The following AP3D1 variants were observed in gnomAD, a reference collection of about 807,000 sequenced individuals.
AP3D1 encodes the protein adaptor related protein complex 3 subunit delta 1, also known as AP-3 complex subunit delta-1.
In AP3D1, 51 loss-of-function variants were observed where a neutral mutation model predicts 147.6. That is an observed-to-expected ratio of 0.35 (90% CI 0.28 to 0.44). The LOEUF is 0.44. Ranked by LOEUF, AP3D1 falls within the 20% of genes least tolerant of loss-of-function variation. The pLI, the probability that AP3D1 is intolerant of heterozygous loss-of-function variation, is 1.00. For synonymous variants in AP3D1, 760 were observed against 663.0 expected (o/e 1.15, Z -2.25); for missense variants, 1,421 against 1,624.2 (o/e 0.87, Z 2.15).
At chr19:2,152,926 T>C (rs1031086529), upstream of AP3D1, among the ~76,000 whole-genome samples, 16 of 151,778 alleles carry the variant, frequency 1.1e-4, no homozygotes, top group African/African-American at 3.9e-4. Flanking sequence ...TTACAATACA[T>C]ATATCTGACA....
At chr19:2,137,191 G>A in intron 3 of AP3D1, 100 bp from the exon 4 acceptor site, 1 of 1,046,112 alleles carries the variant, frequency 9.6e-7, no homozygotes, top group Non-Finnish European at 1.4e-6. Flanking sequence ...CGCCAGCCCA[G>A]AAGCAACACC....
chr19:2,129,184 C>T (rs368308476), intron 7 of AP3D1, 21 bp from the exon 8 acceptor site: 153 of 1,605,740 alleles, frequency 9.5e-5, no homozygotes, highest in African/African-American at 4.6e-4. Context: ...AGCAGGGCCT[C>T]GGTCACCCGC....
At chr19:2,147,376 ACACT>A (rs1399151768) in intron 1 of AP3D1, among the ~76,000 whole-genome samples, 6 of 145,122 alleles carry the variant, frequency 4.1e-5, no homozygotes, top group African/African-American at 1.5e-4. Context: ...AAAAGAAAAC[ACACT>A]CAGTTCAAAT....
chr19:2,113,005 T>C lies in AP3D1; in HGVS notation c.2680-38A>G, dbSNP rs1235486235. 3.2e-6 allele frequency: 5 copies of C among 1,542,574 alleles called. No individual in the cohort carries two copies. In the East Asian group the frequency reaches 9.1e-5, roughly 28 times the overall value. On this transcript the variant is annotated intron_variant, in intron 23 of 31. Coordinates refer to ENST00000643116, the MANE Select transcript of AP3D1 (RefSeq NM_001261826.3). ...AGGGCTTGGGGCTCATGCTGGGCAA[T>C]GAGGGGCCCCACTCCACTGCACCCC...
At chr19:2,105,564 A>G (rs1351561686) in intron 31 of AP3D1, among the ~76,000 whole-genome samples, 1 of 152,208 alleles carries the variant, frequency 6.6e-6, no homozygotes. Context: ...AAACAATGCT[A>G]ATGACTGGCT....
At chr19:2,151,754 T>C (rs533217851), upstream of AP3D1, among the ~76,000 whole-genome samples, 15 of 152,344 alleles carry the variant, frequency 9.8e-5, no homozygotes, top group African/African-American at 3.6e-4. Context: ...GCCCCAAAAC[T>C]TGCGCTCTCA....
intron 1 of AP3D1, among the ~76,000 whole-genome samples, chr19:2,150,478 C>T (rs909920617): frequency 5.3e-5 from 8 of 152,248 alleles, no homozygotes; most frequent in African/African-American, 1.9e-4. Flanking sequence ...AAAACTATTT[C>T]CTCGCCCTGG....
chr19:2,158,095 G>A (rs781649522), intron 1 of AP3D1, among the ~76,000 whole-genome samples: 1 of 151,742 alleles, frequency 6.6e-6, no homozygotes, highest in Non-Finnish European at 1.5e-5. Context: ...TTGCTCTGTC[G>A]CCCAGGCTGC....
intron 1 of AP3D1, among the ~76,000 whole-genome samples, chr19:2,160,782 C>A (rs748535734): frequency 4.6e-5 from 7 of 152,176 alleles, no homozygotes; most frequent in African/African-American, 1.2e-4. Context: ...TGGAGAACCA[C>A]GGACATCAGG....
intron 1 of AP3D1, chr19:2,164,230 G>C: frequency 7.8e-7 from 1 of 1,290,012 alleles, no homozygotes; most frequent in Non-Finnish European, 9.8e-7. Flanking sequence ...CGTGGGGGCT[G>C]AGCCCGCCGT....
At position 2,101,253 on chromosome 19, in the gene AP3D1, G is replaced by A. The variant is rs1443110973; in HGVS notation, c.*920C>T. 1 of 152,442 alleles carries A rather than the reference G, an allele frequency of 6.6e-6. No individual in the cohort carries two copies. The highest frequency in any genetic ancestry group is 1.5e-5 in the Non-Finnish European group (1 of 68,036). The allele number at this position is 152,442 out of a possible 1,614,324, so 9.4% of individuals were successfully genotyped here. A position where few individuals can be genotyped will look rare whatever the true frequency, so the allele number is the denominator to read the frequency against. On this transcript the variant is annotated 3_prime_UTR_variant, in exon 32 of 32. Transcript: ENST00000643116. ...TGTGCCCACGCTGGCCGTGGGGAGT[G>A]AGCGGAGTCTCCTTGCCCTGCCTGG...
upstream of AP3D1, among the ~76,000 whole-genome samples, chr19:2,153,416 C>T (rs1409595329): frequency 1.3e-5 from 2 of 151,438 alleles, no homozygotes; most frequent in Non-Finnish European, 2.9e-5. Context: ...CGGTTCACGC[C>T]TATAACCCCA....
At chr19:2,121,139 C>T in intron 13 of AP3D1, 24 bp downstream of exon 13, 1 of 1,613,870 alleles carries the variant, frequency 6.2e-7, no homozygotes, top group South Asian at 1.1e-5. Context: ...AACCCCCGGC[C>T]ACACCCCTGG....
chr19:2,163,855 G>A (rs2019803407), intron 1 of AP3D1, among the ~76,000 whole-genome samples: 1 of 150,274 alleles, frequency 6.7e-6, no homozygotes, highest in African/African-American at 2.4e-5. Flanking sequence ...GGCCCGCTGG[G>A]CGGCGGGCAC....
At position 2,121,112 on chromosome 19, in the gene AP3D1, A is replaced by G. The variant is rs1599460977; in HGVS notation, c.1251-20T>C. On this transcript the variant is annotated intron_variant, in intron 13 of 31. Coordinates refer to ENST00000643116, the MANE Select transcript of AP3D1 (RefSeq NM_001261826.3). The stretch of plus-strand genomic sequence containing the variant: ...ATGTACCTGTGGGGCAGAGGCGGTG[A>G]GTGAGCGGCGCCACGGAACCCCCGG... 1.9e-6 allele frequency: 3 copies of G among 1,613,528 alleles called. No homozygotes were observed. The highest frequency in any genetic ancestry group is 1.1e-5 in the South Asian group (1 of 91,064).
chr19:2,114,239 G>A lies in AP3D1; in HGVS notation c.2487C>T (p.Ser829=), dbSNP rs752420866. ...CTACCATGGGAACGTCCTTCTCAGG[G>A]GATTTTGAGGTCTCGGTGTTTCTGT... The part of the protein sequence containing the change: ...QKHRNTETSK[S]PEKDVPMVEK... The change falls in exon 22 of 32, where the codon TCC becomes TCT. Residue 829 remains serine, a synonymous_variant. Coordinates refer to ENST00000643116, the MANE Select transcript of AP3D1 (RefSeq NM_001261826.3). The A allele has an allele frequency of 3.1e-6, 5 of 1,613,194 alleles. No homozygotes were observed. The South Asian group carries it at 4.4e-5, about 14-fold the overall frequency.
intron 24 of AP3D1, chr19:2,112,483 G>A (rs1468281152): frequency 9.8e-6 from 2 of 204,268 alleles, no homozygotes; most frequent in Admixed American, 1.1e-4. Context: ...AGACAGGAAG[G>A]GGATGCGTGG....
chr19:2,111,215 G>T, intron 26 of AP3D1, 70 bp downstream of exon 26: 1 of 1,586,516 alleles, frequency 6.3e-7, no homozygotes, highest in Non-Finnish European at 8.6e-7. Context: ...GGGCTGCCCG[G>T]GTTCCGCGCG....
chr19:2,123,330 T>G, intron 11 of AP3D1, 28 bp downstream of exon 11: 1 of 1,611,708 alleles, frequency 6.2e-7, no homozygotes. Flanking sequence ...GACACGAAAA[T>G]GACAGCACTG....
Sources: allele counts gnomAD v4.1 joint callset (sites outside exome capture counted in the v4.1 genomes callset), GRCh38; gene constraint gnomAD v4.1.1; transcripts MANE v1.5; gene names NCBI Gene and HGNC (gene_info 2026-07-23, HGNC 2026-07-21).